Variants in RSRC1 observed in about 807,000 individuals in gnomAD.
RSRC1 encodes the protein arginine and serine rich coiled-coil 1, also known as serine/Arginine-related protein 53.
Under a neutral mutation model 49.1 loss-of-function variants are expected in RSRC1, and 39 were observed. That is an observed-to-expected ratio of 0.79 (90% confidence interval 0.61 to 1.04). RSRC1 has a LOEUF of 1.04. RSRC1 is among the 50% of genes least tolerant of loss of function. The probability of loss-of-function intolerance (pLI) is 0.00; values close to 1 mark genes in which losing one functional copy is unlikely to be tolerated. For missense variants in RSRC1, 388 were observed against 402.4 expected (o/e 0.96, Z 0.31); for synonymous variants, 143 against 130.8 (o/e 1.09, Z -0.63).
At chr3:158,348,220 T>C (rs1239048448) in intron 5 of RSRC1, among the ~76,000 whole-genome samples, 1 of 152,188 alleles carries the variant, frequency 6.6e-6, no homozygotes, top group Non-Finnish European at 1.5e-5. Context: ...TCATCAACTT[T>C]CAGAATTTCC....
At chr3:158,213,610 A>C (rs940227474) in intron 4 of RSRC1, among the ~76,000 whole-genome samples, 7 of 151,710 alleles carry the variant, frequency 4.6e-5, no homozygotes, top group African/African-American at 1.7e-4. Flanking sequence ...TTCTCTCTGA[A>C]CTCCTGCAGG....
chr3:158,272,759 A>G (rs1257358722), intron 4 of RSRC1, among the ~76,000 whole-genome samples: 1 of 152,082 alleles, frequency 6.6e-6, no homozygotes, highest in East Asian at 1.9e-4. Flanking sequence ...CTTGATAACT[A>G]TTGATGTAAA....
intron 3 of RSRC1, among the ~76,000 whole-genome samples, chr3:158,129,350 C>T (rs184367657): frequency 3.0e-5 from 4 of 134,476 alleles, no homozygotes; most frequent in Admixed American, 1.7e-4. Context: ...AGTATAGTGA[C>T]GCAATTCTCA....
At chr3:158,160,885 T>C (rs1301514097) in intron 3 of RSRC1, among the ~76,000 whole-genome samples, 1 of 151,842 alleles carries the variant, frequency 6.6e-6, no homozygotes, top group African/African-American at 2.4e-5. Flanking sequence ...GTCTGTATAT[T>C]ACCTTCATTT....
chr3:158,310,855 A>G (rs1421123489), intron 5 of RSRC1, among the ~76,000 whole-genome samples: 2 of 151,790 alleles, frequency 1.3e-5, no homozygotes, highest in African/African-American at 4.8e-5. Flanking sequence ...CAAAATTTAC[A>G]ATGAAATTTC....
At chr3:158,229,959 A>T (rs1722860328) in intron 4 of RSRC1, among the ~76,000 whole-genome samples, 1 of 152,092 alleles carries the variant, frequency 6.6e-6, no homozygotes, top group South Asian at 2.1e-4. Context: ...ATAGTCCAGC[A>T]GTCCATGGTC....
chr3:158,542,811 TGTATG>T (rs1488218893), intron 8 of RSRC1, among the ~76,000 whole-genome samples: 5 of 152,116 alleles, frequency 3.3e-5, no homozygotes, highest in African/African-American at 1.2e-4. Context: ...AAGGGTAAAT[TGTATG>T]GTATATGAAT....
At chr3:158,148,368 T>C (rs1237342457) in intron 3 of RSRC1, among the ~76,000 whole-genome samples, 2 of 149,648 alleles carry the variant, frequency 1.3e-5, no homozygotes, top group Non-Finnish European at 1.5e-5. Flanking sequence ...TGTGTGTGCG[T>C]GTGTGTGTGT....
At chr3:158,234,089 C>T (rs1723109807) in intron 4 of RSRC1, among the ~76,000 whole-genome samples, 1 of 152,096 alleles carries the variant, frequency 6.6e-6, no homozygotes, top group African/African-American at 2.4e-5. Context: ...CAGTGAGACA[C>T]CTTACTGTAG....
At chr3:158,348,033 A>G (rs1018627139) in intron 5 of RSRC1, among the ~76,000 whole-genome samples, 1 of 152,200 alleles carries the variant, frequency 6.6e-6, no homozygotes, top group African/African-American at 2.4e-5. Flanking sequence ...GTTACAAACA[A>G]TTTTAATTTT....
At chr3:158,145,387 G>T (rs2108202940) in intron 3 of RSRC1, among the ~76,000 whole-genome samples, 1 of 152,282 alleles carries the variant, frequency 6.6e-6, no homozygotes, top group South Asian at 2.1e-4. Context: ...GTTATATAGG[G>T]AATCCTTTCC....
intron 6 of RSRC1, among the ~76,000 whole-genome samples, chr3:158,386,610 T>C (rs949718199): frequency 1.1e-4 from 16 of 152,058 alleles, no homozygotes; most frequent in Admixed American, 3.3e-4. Flanking sequence ...GCCAAGCTGT[T>C]GTTTAATTTG....
At chr3:158,427,982 C>T (rs1489744106) in intron 6 of RSRC1, among the ~76,000 whole-genome samples, 2 of 151,554 alleles carry the variant, frequency 1.3e-5, no homozygotes, top group Non-Finnish European at 2.9e-5. Flanking sequence ...CAAAGAGTAG[C>T]AACTATTTTT....
chr3:158,435,811 A>T (rs1026982825), intron 6 of RSRC1, among the ~76,000 whole-genome samples: 1 of 151,766 alleles, frequency 6.6e-6, no homozygotes, highest in African/African-American at 2.4e-5. Flanking sequence ...TAACTAGAAG[A>T]TGAGGTTTTA....
rs528430505 is a variant in RSRC1 at position 158,113,850 on chromosome 3, C to CT, written c.-3+3636dup. Reference sequence around the variant, plus strand: ...CTTTGCCCATTTTTTAATGGGATTCCTTTTTTTTTCTTGCAAATTTGTTTA... The same window carrying CT: ...CTTTGCCCATTTTTTAATGGGATTCCTTTTTTTTTTCTTGCAAATTTGTTTA... On this transcript the variant is annotated intron_variant, in intron 1 of 9. Transcript: ENST00000611884. Among the ~76,000 whole-genome samples the CT allele has an allele frequency of 4.6e-5, 7 of 150,748 alleles. No homozygotes were observed. The East Asian group carries it at 5.8e-4, about 13-fold the overall frequency.
intron 7 of RSRC1, among the ~76,000 whole-genome samples, chr3:158,484,050 C>A (rs943868773): frequency 2.6e-5 from 4 of 152,080 alleles, no homozygotes; most frequent in African/African-American, 9.7e-5. Context: ...CAAGCAATTA[C>A]TGGTTTATTG....
chr3:158,292,360 A>C (rs1233720624), intron 4 of RSRC1, among the ~76,000 whole-genome samples: 2 of 152,176 alleles, frequency 1.3e-5, no homozygotes, highest in Admixed American at 1.3e-4. Flanking sequence ...TCAGAAATCG[A>C]TGTGCTGCAT....
chr3:158,418,414 C>A (rs1734863908), intron 6 of RSRC1, among the ~76,000 whole-genome samples: 1 of 151,976 alleles, frequency 6.6e-6, no homozygotes, highest in South Asian at 2.1e-4. Context: ...TATGGACATT[C>A]TCCCAGCCAG....
At chr3:158,286,429 C>G (rs554477190) in intron 4 of RSRC1, among the ~76,000 whole-genome samples, 14 of 152,238 alleles carry the variant, frequency 9.2e-5, no homozygotes, top group African/African-American at 3.1e-4. Context: ...TTATGTAAAG[C>G]ACTTGTTACC....
Sources: allele counts gnomAD v4.1 joint callset (sites outside exome capture counted in the v4.1 genomes callset), GRCh38; gene constraint gnomAD v4.1.1; transcripts MANE v1.5; gene names NCBI Gene and HGNC (gene_info 2026-07-23, HGNC 2026-07-21).